The following PRC1 variants were observed in gnomAD, a reference collection of about 807,000 sequenced individuals.
The protein encoded by PRC1 is anaphase spindle elongation 1 homolog.
Under a neutral mutation model 91.2 loss-of-function variants are expected in PRC1, and 54 were observed. The ratio of observed to expected loss-of-function variants is 0.59; its 90% CI spans 0.48 to 0.74. The LOEUF (loss-of-function observed/expected upper bound fraction) is 0.74. PRC1 is among the 30% of genes least tolerant of loss of function. The probability of loss-of-function intolerance (pLI) is 0.00; values close to 1 mark genes in which losing one functional copy is unlikely to be tolerated. For missense variants in PRC1, 727 were observed against 746.2 expected, an observed-to-expected ratio of 0.97 and a Z score of 0.30; for synonymous variants, 275 against 263.6, an observed-to-expected ratio of 1.04 and a Z score of -0.42.
chr15:90,981,466 G>A, intron 5 of PRC1, 33 bp downstream of exon 5: 1 of 1,611,358 alleles, frequency 6.2e-7, no homozygotes, highest in Non-Finnish European at 8.5e-7. Context: ...ATATACTACG[G>A]AGATCCTAGG....
In PRC1 at chr15:90,984,603, T is replaced by C. The variant is rs2039447537; in HGVS notation, c.144+90A>G. 2 of 1,529,634 alleles carry C rather than the reference T, an allele frequency of 1.3e-6. No homozygotes were observed. Among genetic ancestry groups the C allele is most frequent in the Admixed American group, 1.9e-5 (1 of 51,978 alleles). 94.8% of individuals were successfully genotyped at this position (1,529,634 alleles called of 1,614,324 possible). A position where few individuals can be genotyped will look rare whatever the true frequency, so the allele number is the denominator to read the frequency against. On this transcript the variant is annotated intron_variant, in intron 2 of 14. Coordinates refer to ENST00000394249, the MANE Select transcript of PRC1 (RefSeq NM_003981.4). This position sits in a 1 kb window ranked among gnomAD's most constrained non-coding sequence, Gnocchi z 5.1. ...AGAGCCTGTGCTATCCTAATGCCGA[T>C]GATCACATGTCCCTTCTGTATGCTA...
rs2038430536 is a variant in PRC1, at chr15:90,974,073, G to A, written c.1461+63C>T. ...TGGAGGGGCTGGCCCCCTTCAAAGA[G>A]GTGGCTGGGACTACCCTCACCCACT... On this transcript the variant is annotated intron_variant, in intron 11 of 14. Transcript: ENST00000394249. The surrounding 1 kb of genome is among the most constrained non-coding windows in gnomAD (Gnocchi z 4.6). The A allele has an allele frequency of 3.6e-6, 5 of 1,396,952 alleles. No individual in the cohort carries two copies. Among genetic ancestry groups the A allele is most frequent in the Non-Finnish European group, 5.1e-6 (5 of 985,288 alleles). 86.5% of individuals were successfully genotyped at this position (1,396,952 alleles called of 1,614,324 possible). A position where few individuals can be genotyped will look rare whatever the true frequency, so the allele number is the denominator to read the frequency against.
chr15:90,985,239 C>CT (rs1448685905), intron 1 of PRC1, among the ~76,000 whole-genome samples: 197 of 147,308 alleles, frequency 1.3e-3, no homozygotes, highest in Admixed American at 2.3e-3. Flanking sequence ...TTTGTTTTTT[C>CT]TTTTTTTTTG....
chr15:90,967,929 A>G (rs916322275), intron 14 of PRC1: 12 of 985,348 alleles, frequency 1.2e-5, no homozygotes, highest in African/African-American at 3.5e-5. Context: ...GCCAGAACAT[A>G]TATCTACCAA....
chr15:90,969,748 T>C (rs896305470), intron 12 of PRC1, 125 bp from the exon 13 acceptor site: 30 of 319,898 alleles, frequency 9.4e-5, no homozygotes, highest in African/African-American at 6.9e-4. Context: ...CTATACTTTT[T>C]AGTTAAAAAA....
intron 1 of PRC1, among the ~76,000 whole-genome samples, chr15:90,991,443 A>T (rs2039976372): frequency 6.6e-6 from 1 of 151,754 alleles, no homozygotes; most frequent in Non-Finnish European, 1.5e-5. Flanking sequence ...AAGAAATAAA[A>T]ATTTTACTAA....
intron 3 of PRC1, among the ~76,000 whole-genome samples, chr15:90,982,984 T>C (rs1036919241): frequency 6.6e-6 from 1 of 152,166 alleles, no homozygotes; most frequent in Non-Finnish European, 1.5e-5. Flanking sequence ...GTCCTATACA[T>C]TTACACAATT....
At chr15:90,988,262 A>T (rs186906172) in intron 1 of PRC1, 1 of 152,210 alleles carries the variant, frequency 6.6e-6, no homozygotes, top group East Asian at 1.9e-4. Context: ...TCTGTGGCCA[A>T]TATTCGATCT....
intron 9 of PRC1, among the ~76,000 whole-genome samples, chr15:90,976,203 C>T (rs1295967791): frequency 6.6e-6 from 1 of 152,110 alleles, no homozygotes; most frequent in African/African-American, 2.4e-5. Context: ...ATTCTCCTGC[C>T]TCAGCCTCCT....
Position 90,980,959 on chromosome 15 carries a change from C to T in PRC1, c.747G>A (p.Arg249=), listed in dbSNP as rs974862128. Residue 249 remains arginine (R), a synonymous_variant, in exon 6 of 15, where the codon AGG becomes AGA. Transcript: ENST00000394249. The part of the protein sequence containing the change: ...LRTQIRELWD[R]LQIPEEEREA... The stretch of plus-strand genomic sequence containing the variant: ...CTCTTTCTTCTTCAGGTATTTGCAA[C>T]CTGTCCCAGAGCTCTCGGATTTGAG... 3.7e-6 allele frequency: 6 copies of T among 1,614,102 alleles called. No homozygotes were observed. The highest frequency in any genetic ancestry group is 4.2e-6 in the Non-Finnish European group (5 of 1,180,054).
intron 14 of PRC1, chr15:90,968,092 T>A (rs2037691243): frequency 3.0e-6 from 3 of 985,444 alleles, no homozygotes; most frequent in Non-Finnish European, 3.6e-6. Context: ...TGGTGGAGTC[T>A]ATCAGCCATA....
intron 1 of PRC1, chr15:90,985,979 T>C (rs2039548548): frequency 6.6e-6 from 1 of 152,210 alleles, no homozygotes; most frequent in East Asian, 1.9e-4. Context: ...TGAGCTACCA[T>C]GCCTGGCCTA....
chr15:90,983,890 T>C, intron 3 of PRC1, 128 bp downstream of exon 3: 3 of 1,282,322 alleles, frequency 2.3e-6, no homozygotes, highest in Non-Finnish European at 3.2e-6. Flanking sequence ...CACAGCATGT[T>C]TTCCCCACTT....
At position 90,984,270 on chromosome 15, in the gene PRC1, C is replaced by T; in HGVS notation, c.145-130G>A. 1 of 1,308,406 alleles carries T rather than the reference C, an allele frequency of 7.6e-7. No homozygotes were observed. Among genetic ancestry groups the T allele is most frequent in the Non-Finnish European group, 1.0e-6 (1 of 957,940 alleles). The allele number at this position is 1,308,406 out of a possible 1,614,324, so 81.0% of individuals were successfully genotyped here. A position where few individuals can be genotyped will look rare whatever the true frequency, so the allele number is the denominator to read the frequency against. ...TTGAGATGGAGTCTCGCTCTGTTGC[C>T]CAGGCTGGAGTGCAATGGCGTGCTT... On this transcript the variant is annotated intron_variant, in intron 2 of 14. Transcript: ENST00000394249. The surrounding 1 kb of genome is among the most constrained non-coding windows in gnomAD (Gnocchi z 5.1).
chr15:90,993,584 A>G (rs2040107574), intron 1 of PRC1, among the ~76,000 whole-genome samples: 2 of 152,290 alleles, frequency 1.3e-5, no homozygotes, highest in South Asian at 4.2e-4. Flanking sequence ...TAGAAAATAA[A>G]GTTAATATTT....
At chr15:90,981,694 T>C in intron 4 of PRC1, 25 bp from the exon 5 acceptor site, 5 of 1,609,708 alleles carry the variant, frequency 3.1e-6, no homozygotes, top group African/African-American at 1.3e-5. Flanking sequence ...AATTACAAGA[T>C]ACCTAGAGGA....
At chr15:90,971,285 A>G (rs1303217830) in intron 11 of PRC1, among the ~76,000 whole-genome samples, 1 of 152,202 alleles carries the variant, frequency 6.6e-6, no homozygotes, top group African/African-American at 2.4e-5. Context: ...TGCTAATGAT[A>G]AGAGCTGTAA....
rs76867272 is a variant in PRC1, at chr15:90,981,195, C to T, written c.673-162G>A. The T allele has an allele frequency of 5.4e-4, 521 of 961,148 alleles. 4 individuals are homozygous for T. The highest frequency in any genetic ancestry group is 5.0e-3 in the Middle Eastern group (15 of 2,988). 59.5% of individuals were successfully genotyped at this position (961,148 alleles called of 1,614,324 possible). A position where few individuals can be genotyped will look rare whatever the true frequency, so the allele number is the denominator to read the frequency against. On this transcript the variant is annotated intron_variant, in intron 5 of 14. Transcript: ENST00000394249. ...TCCTAAACACGAGCTGTAAGGCTGT[C>T]GGGATCTCAGACCCCAAGAATTAGC...
intron 7 of PRC1, among the ~76,000 whole-genome samples, chr15:90,979,754 C>T (rs751487218): frequency 1.3e-5 from 2 of 152,170 alleles, no homozygotes; most frequent in Non-Finnish European, 2.9e-5. Context: ...TGGCATTTAC[C>T]ATTATATGTC....
Sources: allele counts gnomAD v4.1 joint callset (sites outside exome capture counted in the v4.1 genomes callset), GRCh38; gene constraint gnomAD v4.1.1; non-coding constraint Gnocchi (gnomAD v3.1); transcripts MANE v1.5; gene names NCBI Gene and HGNC (gene_info 2026-07-23, HGNC 2026-07-21).